CEMIP: variants seen among roughly 807,000 people sequenced by gnomAD.
CEMIP encodes cell migration-inducing and hyaluronan-binding protein.
In CEMIP, 105 loss-of-function variants were observed where a neutral mutation model predicts 156.9. That is an observed-to-expected ratio of 0.67 (90% CI 0.57 to 0.79). The LOEUF (loss-of-function observed/expected upper bound fraction) is 0.79, where lower values mean the gene tolerates loss of function less well. Ranked by LOEUF, CEMIP falls within the 30% of genes least tolerant of loss-of-function variation. The pLI, the probability that CEMIP is intolerant of heterozygous loss-of-function variation, is 0.00. For synonymous variants in CEMIP, 676 were observed against 668.4 expected, an observed-to-expected ratio of 1.01 and a Z score of -0.17; for missense variants, 1,457 against 1,769.4, an observed-to-expected ratio of 0.82 and a Z score of 3.17.
At chr15:80,890,542 G>A (rs1899002450) in intron 10 of CEMIP, among the ~76,000 whole-genome samples, 2 of 150,116 alleles carry the variant, frequency 1.3e-5, no homozygotes, top group South Asian at 2.1e-4. Flanking sequence ...AGCTGAGATC[G>A]CACCACTGTA....
intron 1 of CEMIP, among the ~76,000 whole-genome samples, chr15:80,825,977 A>T (rs1371175391): frequency 2.0e-5 from 3 of 152,018 alleles, no homozygotes; most frequent in African/African-American, 7.3e-5. Flanking sequence ...TGACATACAG[A>T]CTCACCTTTT....
intron 25 of CEMIP, among the ~76,000 whole-genome samples, chr15:80,940,753 C>T (rs766161709): frequency 1.3e-5 from 2 of 152,212 alleles, no homozygotes; most frequent in African/African-American, 4.8e-5. Context: ...CTCATGGGCT[C>T]AGGTGCTGAC....
chr15:80,930,427 G>T lies in CEMIP; in HGVS notation c.2612+1253G>T, dbSNP rs374998297. On this transcript the variant is annotated intron_variant, in intron 21 of 29. Transcript: ENST00000394685. ...ATGGAAACCTGTCAGACTGAGGCAG[G>T]TTCCTCAAATTGCATCTGCAAGTAG... Among the ~76,000 whole-genome samples, 14 of 152,302 alleles carry T rather than the reference G, an allele frequency of 9.2e-5. No individual in the cohort carries two copies. The South Asian group carries it at 2.5e-3, about 27-fold the overall frequency.
chr15:80,785,654 G>A (rs1895916583), intron 1 of CEMIP, among the ~76,000 whole-genome samples: 1 of 152,168 alleles, frequency 6.6e-6, no homozygotes, highest in Non-Finnish European at 1.5e-5. Flanking sequence ...GAGGGCGTGA[G>A]ACCTGCTGGA....
At chr15:80,810,279 T>G (rs1427982305) in intron 1 of CEMIP, among the ~76,000 whole-genome samples, 1 of 152,220 alleles carries the variant, frequency 6.6e-6, no homozygotes, top group Non-Finnish European at 1.5e-5. Context: ...TGTTTCCCTT[T>G]TGATTTGAGT....
chr15:80,890,728 G>T (rs1899009694), intron 10 of CEMIP, among the ~76,000 whole-genome samples: 13 of 152,082 alleles, frequency 8.5e-5, no homozygotes, highest in Admixed American at 8.5e-4. Flanking sequence ...AGGTCAGCTC[G>T]AGTCCCAGGC....
chr15:80,916,905 G>A (rs1338262760), intron 14 of CEMIP, among the ~76,000 whole-genome samples: 1 of 152,174 alleles, frequency 6.6e-6, no homozygotes, highest in Non-Finnish European at 1.5e-5. Context: ...CCCAAAGTGA[G>A]AGCGTCTTTT....
At chr15:80,872,848 T>A (rs1898342493) in intron 1 of CEMIP, among the ~76,000 whole-genome samples, 1 of 152,136 alleles carries the variant, frequency 6.6e-6, no homozygotes, top group Non-Finnish European at 1.5e-5. Flanking sequence ...ATAAAATAGC[T>A]TAATTCTGTC....
At chr15:80,836,862 C>T (rs1181415178) in intron 1 of CEMIP, among the ~76,000 whole-genome samples, 4 of 152,180 alleles carry the variant, frequency 2.6e-5, no homozygotes, top group Non-Finnish European at 5.9e-5. Flanking sequence ...TATTTTGCAG[C>T]AAGGCAGAAT....
At chr15:80,818,070 A>G (rs932768298) in intron 1 of CEMIP, among the ~76,000 whole-genome samples, 2 of 152,208 alleles carry the variant, frequency 1.3e-5, no homozygotes, top group Non-Finnish European at 2.9e-5. Flanking sequence ...AGTGTTTGTA[A>G]AAGTCAGGAT....
intron 1 of CEMIP, among the ~76,000 whole-genome samples, chr15:80,837,951 C>A (rs1897301130): frequency 6.6e-6 from 1 of 152,228 alleles, no homozygotes; most frequent in Admixed American, 6.5e-5. Context: ...GTTTACCCAT[C>A]TTAGGTGAGA....
At position 80,937,906 on chromosome 15, in the gene CEMIP, A is replaced by C. The variant is rs762734353; in HGVS notation, c.3334A>C (p.Arg1112=). ...KQTSKTGVFV[R]TLQMDKVEQS... Reference sequence around the variant, plus strand: ...AACGTCCAAGACGGGCGTCTTCGTGAGGACCTTGCAGATGGACAAAGTGGA... The same window carrying C: ...AACGTCCAAGACGGGCGTCTTCGTGCGGACCTTGCAGATGGACAAAGTGGA... The change falls in exon 25 of 30, where the codon AGG becomes CGG. Residue 1112 remains arginine, a synonymous_variant. Coordinates refer to ENST00000394685, the MANE Select transcript of CEMIP (RefSeq NM_001293298.2). 8 of 1,614,220 alleles carry C rather than the reference A, an allele frequency of 5.0e-6. No homozygotes were observed. The highest frequency in any genetic ancestry group is 6.8e-6 in the Non-Finnish European group (8 of 1,180,030).
chr15:80,896,189 T>C, intron 12 of CEMIP, 129 bp downstream of exon 12: 1 of 936,884 alleles, frequency 1.1e-6, no homozygotes, highest in South Asian at 1.4e-5. Flanking sequence ...ACAAAAAAAA[T>C]CTTAAAACTT....
chr15:80,831,509 A>T (rs978281367), intron 1 of CEMIP, among the ~76,000 whole-genome samples: 1 of 152,110 alleles, frequency 6.6e-6, no homozygotes, highest in Admixed American at 6.5e-5. Flanking sequence ...TTGGCTCAGG[A>T]TCTCTGGGAG....
At chr15:80,897,395 T>C in intron 12 of CEMIP, 2 of 454,736 alleles carry the variant, frequency 4.4e-6, no homozygotes, top group South Asian at 1.6e-5. Context: ...AGTCCCCTTA[T>C]CTTAACACTC....
chr15:80,819,569 G>A (rs1166950343), intron 1 of CEMIP, among the ~76,000 whole-genome samples: 4 of 152,178 alleles, frequency 2.6e-5, no homozygotes, highest in East Asian at 1.9e-4. Flanking sequence ...TGTTCACCAA[G>A]ACCAATGACA....
At chr15:80,896,462 A>G in intron 12 of CEMIP, 1 of 434,280 alleles carries the variant, frequency 2.3e-6, no homozygotes, top group South Asian at 1.7e-5. Context: ...GTAAAGCACA[A>G]CACAAATAGG....
intron 10 of CEMIP, among the ~76,000 whole-genome samples, chr15:80,891,488 C>T (rs1209948377): frequency 6.6e-6 from 1 of 152,220 alleles, no homozygotes; most frequent in Non-Finnish European, 1.5e-5. Context: ...ATACATTCCC[C>T]AAATTCAAGT....
intron 1 of CEMIP, among the ~76,000 whole-genome samples, chr15:80,814,043 C>CT (rs778309859): frequency 0.09 from 6,637 of 73,670 alleles, 1,046 homozygotes; most frequent in African/African-American, 0.25. Flanking sequence ...AACTCTTTGG[C>CT]TTTTTTTTTT....
Sources: allele counts gnomAD v4.1 joint callset (sites outside exome capture counted in the v4.1 genomes callset), GRCh38; gene constraint gnomAD v4.1.1; transcripts MANE v1.5; gene names NCBI Gene and HGNC (gene_info 2026-07-23, HGNC 2026-07-21).